Variants in TNNT2 observed in about 807,000 individuals in gnomAD.
TNNT2 encodes troponin T, cardiac muscle.
Under a neutral mutation model 62.4 loss-of-function variants are expected in TNNT2, and 34 were observed. That is an observed-to-expected ratio of 0.54 (90% confidence interval 0.41 to 0.72). The LOEUF (loss-of-function observed/expected upper bound fraction) is 0.72, where lower values mean the gene tolerates loss of function less well. Ranked by LOEUF, TNNT2 falls within the 30% of genes least tolerant of loss-of-function variation. The pLI is 0.00. For synonymous variants in TNNT2, 123 were observed against 127.2 expected (o/e 0.97, Z 0.22); for missense variants, 275 against 381.9 (o/e 0.72, Z 2.33).
chr1:201,376,851 C>T (rs1661471229), intron 1 of TNNT2, among the ~76,000 whole-genome samples: 1 of 152,196 alleles, frequency 6.6e-6, no homozygotes, highest in Non-Finnish European at 1.5e-5. Flanking sequence ...CTTACGGGGG[C>T]CCAGGTTAAA....
intron 5 of TNNT2, chr1:201,368,446 C>G (rs1190455480): frequency 1.6e-6 from 1 of 631,202 alleles, no homozygotes; most frequent in South Asian, 1.5e-5. Context: ...TCCCGGCAAC[C>G]TCCCTGATGA....
intron 8 of TNNT2, 27 bp downstream of exon 8, chr1:201,366,811 G>C (rs1659737115): frequency 6.2e-7 from 1 of 1,613,880 alleles, no homozygotes; most frequent in African/African-American, 1.3e-5. Flanking sequence ...TCTGCTCCCG[G>C]CTCTACCCAG....
intron 11 of TNNT2, 133 bp downstream of exon 11, chr1:201,364,165 T>G: frequency 9.0e-6 from 9 of 1,000,540 alleles, no homozygotes; most frequent in Non-Finnish European, 1.3e-5. Flanking sequence ...ATTACAGGCG[T>G]GAGCCACCGC....
intron 4 of TNNT2, among the ~76,000 whole-genome samples, chr1:201,371,385 T>C (rs2102304872): frequency 6.6e-6 from 1 of 152,292 alleles, no homozygotes; most frequent in East Asian, 1.9e-4. Context: ...CTCTGCAAGC[T>C]CAGAATCATG....
At chr1:201,368,390 G>A (rs989316733) in intron 5 of TNNT2, 163 bp from the exon 6 acceptor site, 7 of 748,116 alleles carry the variant, frequency 9.4e-6, no homozygotes, top group African/African-American at 6.9e-5. Context: ...GCCATTCTTG[G>A]TTTTGACTGT....
intron 4 of TNNT2, among the ~76,000 whole-genome samples, chr1:201,371,604 C>G (rs1286928906): frequency 3.3e-5 from 5 of 152,090 alleles, no homozygotes; most frequent in Non-Finnish European, 5.9e-5. Context: ...TTTTGGATGT[C>G]TGCTCCAAAA....
intron 8 of TNNT2, 199 bp from the exon 9 acceptor site, chr1:201,365,869 C>G: frequency 6.9e-7 from 1 of 1,456,510 alleles, no homozygotes; most frequent in East Asian, 2.5e-5. Context: ...AAAGCTCTTT[C>G]ACATATGCTA....
intron 4 of TNNT2, 104 bp from the exon 5 acceptor site, chr1:201,369,949 G>A: frequency 7.5e-7 from 1 of 1,333,110 alleles, no homozygotes; most frequent in Non-Finnish European, 1.1e-6. Flanking sequence ...GTGGTTTTAA[G>A]AGTGTGGGCT....
At chr1:201,363,725 TC>T (rs1659135435) in intron 11 of TNNT2, 1 of 417,140 alleles carries the variant, frequency 2.4e-6, no homozygotes, top group African/African-American at 2.0e-5. Flanking sequence ...GGCCTTCGGT[TC>T]CCACGAAGTC....
At chr1:201,365,879 A>G (rs985510357) in intron 8 of TNNT2, 13 of 1,430,834 alleles carry the variant, frequency 9.1e-6, no homozygotes, top group Non-Finnish European at 1.0e-5. Context: ...CACATATGCT[A>G]TTTCACTTCA....
At position 201,368,334 on chromosome 1, in the gene TNNT2, G is replaced by A. The variant is rs559011717; in HGVS notation, c.98-107C>T. On this transcript the variant is annotated intron_variant, in intron 5 of 16. Coordinates refer to ENST00000656932, the MANE Select transcript of TNNT2 (RefSeq NM_001276345.2). ...GGGGAGTGGGGATGGGGGTCAAGACGTCTAGGTCCAGATGAATTTGGGGGC... is the reference window on the plus strand; with the variant it reads ...GGGGAGTGGGGATGGGGGTCAAGACATCTAGGTCCAGATGAATTTGGGGGC... 219 of 1,168,060 alleles carry A rather than the reference G, an allele frequency of 1.9e-4. 1 individual carries two copies. The highest frequency in any genetic ancestry group is 5.9e-4 in the South Asian group (46 of 77,578). 72.4% of individuals were successfully genotyped at this position (1,168,060 alleles called of 1,614,324 possible). A position where few individuals can be genotyped will look rare whatever the true frequency, so the allele number is the denominator to read the frequency against.
intron 9 of TNNT2, 145 bp downstream of exon 9, chr1:201,365,465 C>T (rs1659488756): frequency 2.5e-6 from 3 of 1,195,584 alleles, no homozygotes; most frequent in East Asian, 2.3e-5. Flanking sequence ...CAGGACCACG[C>T]TCATGGATGG....
chr1:201,361,407 G>A (rs1412942583), intron 14 of TNNT2, 38 bp from the exon 15 acceptor site: 1 of 1,569,840 alleles, frequency 6.4e-7, no homozygotes, highest in Non-Finnish European at 8.8e-7. Flanking sequence ...GGTCCAGTAA[G>A]AAAGGGCCCT....
Position 201,366,882 on chromosome 1 carries a change from T to C in TNNT2, c.200-11A>G, listed in dbSNP as rs368658464. 696 of 1,614,054 alleles carry C rather than the reference T, an allele frequency of 4.3e-4. 2 individuals carry two copies. Among genetic ancestry groups the C allele is most frequent in the South Asian group, 2.9e-3 (262 of 91,068 alleles). ...CCTCCATTGGGCCATCTGGAGGAGA[T>C]AGAAGCACACAGCCATGGGTCAGGG... On this transcript the variant is annotated splice_polypyrimidine_tract_variant and intron_variant, in intron 7 of 16. Coordinates refer to ENST00000656932, the MANE Select transcript of TNNT2 (RefSeq NM_001276345.2).
intron 12 of TNNT2, chr1:201,363,082 G>T (rs932981320): frequency 1.0e-6 from 1 of 984,220 alleles, no homozygotes; most frequent in Non-Finnish European, 1.2e-6. Context: ...GGCTCTGCCT[G>T]TAGCCCCCTA....
chr1:201,368,076 T>A, intron 6 of TNNT2, 86 bp downstream of exon 6: 2 of 1,381,684 alleles, frequency 1.4e-6, no homozygotes, highest in Non-Finnish European at 1.0e-6. Context: ...GAAAGCCTGT[T>A]CTGGGGGGTT....
At chr1:201,361,561 G>A (rs1467069922) in intron 14 of TNNT2, among the ~76,000 whole-genome samples, 192 bp from the exon 15 acceptor site, 1 of 152,172 alleles carries the variant, frequency 6.6e-6, no homozygotes, top group African/African-American at 2.4e-5. Flanking sequence ...GCTCAGGAAC[G>A]GACACCAGGG....
intron 12 of TNNT2, 26 bp from the exon 13 acceptor site, chr1:201,362,420 G>T: frequency 6.2e-7 from 1 of 1,613,180 alleles, no homozygotes; most frequent in East Asian, 2.2e-5. Context: ...ATGAGAGAGA[G>T]GCCCATAGAA....
At chr1:201,371,939 A>G in intron 4 of TNNT2, 88 bp downstream of exon 4, 4 of 1,545,224 alleles carry the variant, frequency 2.6e-6, no homozygotes, top group Non-Finnish European at 3.6e-6. Context: ...AGGAGCAGGG[A>G]CAGATGAGCT....
Sources: gnomAD v4.1 joint callset for allele counts (sites outside exome capture counted in the v4.1 genomes callset) on GRCh38, gnomAD v4.1.1 for gene constraint, MANE v1.5 for transcripts, NCBI Gene and HGNC (gene_info 2026-07-23, HGNC 2026-07-21) for gene names.